Variants in EGFR observed in about 807,000 individuals in gnomAD.
EGFR encodes the protein avian erythroblastic leukemia viral (v-erb-b) oncogene homolog.
Under a neutral mutation model 143.0 loss-of-function variants are expected in EGFR, and 58 were observed. That is an observed-to-expected ratio of 0.41 (90% CI 0.33 to 0.50). EGFR has a LOEUF of 0.50. Among genes scored for constraint, EGFR ranks in the 20% least tolerant of loss-of-function variants. EGFR has a pLI of 0.39. For synonymous variants in EGFR, 613 were observed against 594.4 expected, an observed-to-expected ratio of 1.03 and a Z score of -0.45; for missense variants, 1,307 against 1,579.0, an observed-to-expected ratio of 0.83 and a Z score of 2.92.
intron 23 of EGFR, 55 bp from the exon 24 acceptor site, chr7:55,200,261 T>A (rs1787786893): frequency 1.3e-6 from 2 of 1,520,186 alleles, no homozygotes; most frequent in Admixed American, 1.7e-5. Flanking sequence ...CAATGCCATC[T>A]TTATCATTTC....
chr7:55,201,110 A>G (rs2128971309), intron 24 of EGFR, 78 bp from the exon 25 acceptor site: 2 of 1,590,898 alleles, frequency 1.3e-6, no homozygotes. Flanking sequence ...TGCTGGCAAT[A>G]GACCCCTGCT....
chr7:55,177,915 G>A (rs950985373), intron 19 of EGFR, among the ~76,000 whole-genome samples: 1 of 152,260 alleles, frequency 6.6e-6, no homozygotes, highest in Non-Finnish European at 1.5e-5. Flanking sequence ...TAGCTTCTGC[G>A]TACACCGAAC....
chr7:55,029,938 T>A lies in EGFR; in HGVS notation c.88+10573T>A, dbSNP rs187736495. Among the ~76,000 whole-genome samples, 8 of 152,336 alleles carry A rather than the reference T, an allele frequency of 5.3e-5. No individual in the cohort carries two copies. In the East Asian group the frequency reaches 1.5e-3, roughly 29 times the overall value. The stretch of plus-strand genomic sequence containing the variant: ...CCCTATAATTTAGATGCTAAAACAT[T>A]GATGTCATAATAATAACAACACCTC... On this transcript the variant is annotated intron_variant, in intron 1 of 27. Coordinates refer to ENST00000275493, the MANE Select transcript of EGFR (RefSeq NM_005228.5).
intron 1 of EGFR, among the ~76,000 whole-genome samples, chr7:55,131,939 G>GAAA (rs1272464184): frequency 3.0e-5 from 3 of 99,834 alleles, no homozygotes; most frequent in African/African-American, 7.5e-5. Context: ...TTTGCTTTCA[G>GAAA]AAAAAAAAAA....
intron 1 of EGFR, among the ~76,000 whole-genome samples, chr7:55,104,311 G>A (rs971833523): frequency 2.0e-5 from 3 of 152,232 alleles, no homozygotes; most frequent in Non-Finnish European, 4.4e-5. Flanking sequence ...AGGTTGCCAA[G>A]CTGGGTTGAA....
chr7:55,109,524 C>T (rs1195706389), intron 1 of EGFR, among the ~76,000 whole-genome samples: 1 of 152,218 alleles, frequency 6.6e-6, no homozygotes, highest in Non-Finnish European at 1.5e-5. Flanking sequence ...GTTAGGGCAG[C>T]TCCTCTTTGC....
intron 1 of EGFR, among the ~76,000 whole-genome samples, chr7:55,061,358 T>C (rs537114779): frequency 1.3e-5 from 2 of 152,208 alleles, no homozygotes; most frequent in Non-Finnish European, 2.9e-5. Flanking sequence ...TTCCCACTGT[T>C]GTCAGCTGCT....
rs747985164 is a variant in EGFR, at chr7:55,160,377, C to G, written c.1498+39C>G. The stretch of plus-strand genomic sequence containing the variant: ...TTCTGTTTAGTTTATGGAGTTGGTT[C>G]TAATGGGTCCTTTATTTGTATTTAG... On this transcript the variant is annotated intron_variant, in intron 12 of 27. Transcript: ENST00000275493. The G allele has an allele frequency of 4.4e-6, 7 of 1,590,604 alleles. No individual in the cohort carries two copies. The South Asian group carries it at 7.8e-5, about 18-fold the overall frequency.
At chr7:55,125,318 T>C (rs1793458710) in intron 1 of EGFR, among the ~76,000 whole-genome samples, 1 of 152,230 alleles carries the variant, frequency 6.6e-6, no homozygotes, top group Non-Finnish European at 1.5e-5. Context: ...AAGTTGAGTA[T>C]GCAACATTGA....
intron 1 of EGFR, among the ~76,000 whole-genome samples, chr7:55,095,538 G>A (rs73342766): frequency 0.011 from 1,636 of 152,274 alleles, 32 homozygotes; most frequent in African/African-American, 0.038. Flanking sequence ...GGCCAGTTTC[G>A]CCTTTAGAAC....
chr7:55,146,566 A>T (rs762831896), intron 3 of EGFR, 40 bp from the exon 4 acceptor site: 2 of 1,613,380 alleles, frequency 1.2e-6, no homozygotes, highest in Non-Finnish European at 1.7e-6. Flanking sequence ...AATTTAAAGG[A>T]GCTGGAAAGA....
chr7:55,186,246 T>C (rs1185402320), intron 20 of EGFR, among the ~76,000 whole-genome samples: 2 of 152,238 alleles, frequency 1.3e-5, no homozygotes, highest in African/African-American at 4.8e-5. Flanking sequence ...TTGGTGGAGA[T>C]AGGCTGTCAT....
chr7:55,127,298 C>A (rs1162699855), intron 1 of EGFR, among the ~76,000 whole-genome samples: 5 of 152,158 alleles, frequency 3.3e-5, no homozygotes, highest in Admixed American at 3.3e-4. Flanking sequence ...CCAACCTCCC[C>A]CAAACCAAAC....
chr7:55,056,843 A>G (rs180829150), intron 1 of EGFR, among the ~76,000 whole-genome samples: 352 of 152,348 alleles, frequency 2.3e-3, no homozygotes, highest in African/African-American at 8.1e-3. Context: ...TAATAAGAAC[A>G]GTGTCCTAAA....
Position 55,153,959 on chromosome 7 carries a change from G to A in EGFR, c.748-52G>A. On this transcript the variant is annotated intron_variant, in intron 6 of 27. Coordinates refer to ENST00000275493, the MANE Select transcript of EGFR (RefSeq NM_005228.5). ...ACCGTGCTGCGCTTCCTCCGTGTGT[G>A]GCGCTGAGTGTACTTACCTCACTTG... 2.5e-6 allele frequency: 4 copies of A among 1,613,610 alleles called. No homozygotes were observed. The South Asian group carries it at 4.4e-5, about 18-fold the overall frequency.
rs761660869 is a variant in EGFR, at chr7:55,205,888, A to T, written c.*271A>T. On this transcript the variant is annotated 3_prime_UTR_variant, in exon 28 of 28. Transcript: ENST00000275493. ...TTGAGCAGAAATTTATCTTTCAAAGAGGTATATTTGAAAAAAAAAAAAAGT... is the reference window on the plus strand; with the variant it reads ...TTGAGCAGAAATTTATCTTTCAAAGTGGTATATTTGAAAAAAAAAAAAAGT... 2.0e-6 allele frequency: 1 copy of T among 493,014 alleles called. No individual in the cohort carries two copies. The highest frequency in any genetic ancestry group is 3.5e-6 in the Non-Finnish European group (1 of 282,370). The allele number at this position is 493,014 out of a possible 1,614,324, so 30.5% of individuals were successfully genotyped here.
At chr7:55,134,196 C>T (rs1372718967) in intron 1 of EGFR, among the ~76,000 whole-genome samples, 2 of 151,974 alleles carry the variant, frequency 1.3e-5, no homozygotes. Flanking sequence ...CAGCGAGGCC[C>T]ACCCCAGCCA....
chr7:55,170,188 G>T, intron 15 of EGFR: 1 of 1,567,382 alleles, frequency 6.4e-7, no homozygotes. Context: ...AAGAAGAGCA[G>T]TGTAGAGAAC....
At chr7:55,020,408 C>T (rs567464095) in intron 1 of EGFR, among the ~76,000 whole-genome samples, 5 of 152,238 alleles carry the variant, frequency 3.3e-5, no homozygotes, top group Non-Finnish European at 5.9e-5. Context: ...TGAGCGGAAG[C>T]CCCGGAAGCA....
Sources: gnomAD v4.1 joint callset for allele counts (sites outside exome capture counted in the v4.1 genomes callset) on GRCh38, gnomAD v4.1.1 for gene constraint, MANE v1.5 for transcripts, NCBI Gene and HGNC (gene_info 2026-07-23, HGNC 2026-07-21) for gene names.